The following KIF6 variants were observed in gnomAD, a reference collection of about 807,000 sequenced individuals.
KIF6 encodes kinesin family member 6.
Under a neutral mutation model 112.7 loss-of-function variants are expected in KIF6, and 106 were observed. The observed-to-expected ratio is 0.94, with a 90% CI of 0.80 to 1.11. The LOEUF is 1.11. KIF6 is among the 50% of genes least tolerant of loss of function. The pLI, the probability that KIF6 is intolerant of heterozygous loss-of-function variation, is 0.00. For synonymous variants in KIF6, 339 were observed against 339.9 expected, an observed-to-expected ratio of 1.00 and a Z score of 0.03; for missense variants, 929 against 964.0, an observed-to-expected ratio of 0.96 and a Z score of 0.48.
intron 16 of KIF6, among the ~76,000 whole-genome samples, chr6:39,381,849 A>G (rs1248160238): frequency 2.0e-5 from 3 of 152,236 alleles, no homozygotes; most frequent in Non-Finnish European, 4.4e-5. Context: ...TTTCTGTTTG[A>G]AGTTTGCTGA....
At chr6:39,409,449 C>T (rs1399647256) in intron 15 of KIF6, among the ~76,000 whole-genome samples, 1 of 152,232 alleles carries the variant, frequency 6.6e-6, no homozygotes, top group African/African-American at 2.4e-5. Flanking sequence ...GGGAGCATCT[C>T]TGCTTTTTCA....
intron 13 of KIF6, among the ~76,000 whole-genome samples, chr6:39,539,281 C>T (rs1407338754): frequency 6.6e-6 from 1 of 151,600 alleles, no homozygotes; most frequent in Non-Finnish European, 1.5e-5. Context: ...GTTGGCCCAA[C>T]CCTGCCAAAT....
chr6:39,648,824 G>A (rs959544892), intron 3 of KIF6, among the ~76,000 whole-genome samples: 1 of 152,100 alleles, frequency 6.6e-6, no homozygotes, highest in African/African-American at 2.4e-5. Context: ...TAGAAGTCCT[G>A]CGTAAAGGCA....
chr6:39,427,820 G>A (rs1205858355), intron 14 of KIF6, among the ~76,000 whole-genome samples: 3 of 152,146 alleles, frequency 2.0e-5, no homozygotes, highest in Non-Finnish European at 2.9e-5. Context: ...ACAGAGTTAA[G>A]TGAGCTCTAT....
chr6:39,695,553 C>G (rs951796967), intron 3 of KIF6, among the ~76,000 whole-genome samples: 1 of 152,098 alleles, frequency 6.6e-6, no homozygotes, highest in Non-Finnish European at 1.5e-5. Context: ...AAAAAATGCT[C>G]AACATTACTA....
chr6:39,653,840 C>T (rs549314054), intron 3 of KIF6, among the ~76,000 whole-genome samples: 4 of 152,234 alleles, frequency 2.6e-5, no homozygotes, highest in African/African-American at 9.6e-5. Flanking sequence ...TCATAGACTT[C>T]TCTGGGCATA....
intron 10 of KIF6, among the ~76,000 whole-genome samples, chr6:39,568,252 G>A (rs1010141240): frequency 2.4e-4 from 37 of 152,094 alleles, no homozygotes; most frequent in Non-Finnish European, 1.5e-5. Flanking sequence ...GACGGGGGAA[G>A]GTATATTCTA....
At chr6:39,649,214 T>C (rs921817135) in intron 3 of KIF6, among the ~76,000 whole-genome samples, 1 of 152,148 alleles carries the variant, frequency 6.6e-6, no homozygotes, top group Non-Finnish European at 1.5e-5. Flanking sequence ...GGCAACATCA[T>C]TCTAAGATCT....
chr6:39,493,298 G>A (rs1392173816), intron 13 of KIF6, among the ~76,000 whole-genome samples: 2 of 152,206 alleles, frequency 1.3e-5, no homozygotes, highest in Non-Finnish European at 2.9e-5. Context: ...GGACATTGAG[G>A]TTTTATTGGT....
chr6:39,491,244 C>A lies in KIF6; in HGVS notation c.1645+48759G>T, dbSNP rs116180800. On this transcript the variant is annotated intron_variant, in intron 13 of 22. Transcript: ENST00000287152. ...AGTGTCTAAATAAGCAATCTGGCTG[C>A]TTTGATGTTGGTAACTGCCATGTTG... Among the ~76,000 whole-genome samples, 664 of 152,104 alleles carry A rather than the reference C, an allele frequency of 4.4e-3. 4 individuals carry two copies. The highest frequency in any genetic ancestry group is 0.015 in the African/African-American group (624 of 41,494).
Position 39,378,149 on chromosome 6 carries a change from G to A in KIF6, c.1861+7473C>T, listed in dbSNP as rs910460758. On this transcript the variant is annotated intron_variant, in intron 16 of 22. Transcript: ENST00000287152. The surrounding 1 kb of genome is among the most constrained non-coding windows in gnomAD (Gnocchi z 5.0). ...ACAGAAGTTGGGTCAAGGGGTAAAC[G>A]CAGAGAAGCGTAAATGCAGAGAAAC... is the stretch of plus-strand genomic sequence containing the variant. Among the ~76,000 whole-genome samples, 10 of 151,850 alleles carry A rather than the reference G, an allele frequency of 6.6e-5. No homozygotes were observed. The highest frequency in any genetic ancestry group is 5.3e-4 in the Admixed American group (8 of 15,200).
chr6:39,701,091 T>G (rs943712915), intron 3 of KIF6, among the ~76,000 whole-genome samples: 3 of 152,238 alleles, frequency 2.0e-5, no homozygotes, highest in African/African-American at 7.2e-5. Context: ...TTCTGAAGAA[T>G]TCTAACAACT....
chr6:39,388,381 C>A (rs1259986214), intron 15 of KIF6, among the ~76,000 whole-genome samples: 1 of 151,834 alleles, frequency 6.6e-6, no homozygotes. Context: ...TTTGCCACCA[C>A]AAGCATAAAT....
At chr6:39,432,221 C>A (rs1158630891) in intron 13 of KIF6, among the ~76,000 whole-genome samples, 2 of 152,130 alleles carry the variant, frequency 1.3e-5, no homozygotes, top group African/African-American at 4.8e-5. Flanking sequence ...TTTTGTGAAT[C>A]CTTGTGTCTT....
intron 1 of KIF6, among the ~76,000 whole-genome samples, chr6:39,721,123 A>C (rs1203590223): frequency 6.6e-6 from 1 of 152,202 alleles, no homozygotes; most frequent in Non-Finnish European, 1.5e-5. Context: ...CCTGAAAGCA[A>C]CATTTTATCT....
At chr6:39,723,092 G>A (rs1342260538) in intron 1 of KIF6, among the ~76,000 whole-genome samples, 1 of 152,164 alleles carries the variant, frequency 6.6e-6, no homozygotes, top group Non-Finnish European at 1.5e-5. Context: ...AATCTGGGGG[G>A]AAATGTTACA....
chr6:39,678,377 T>C (rs1376803306), intron 3 of KIF6, among the ~76,000 whole-genome samples: 1 of 152,212 alleles, frequency 6.6e-6, no homozygotes, highest in Non-Finnish European at 1.5e-5. Flanking sequence ...GAGAGTTTGG[T>C]CAAATGACCT....
At chr6:39,401,460 A>G (rs1768694393) in intron 15 of KIF6, among the ~76,000 whole-genome samples, 1 of 152,164 alleles carries the variant, frequency 6.6e-6, no homozygotes, top group African/African-American at 2.4e-5. Context: ...TCTAGGGGGC[A>G]ATGGCAAGCC....
At chr6:39,429,714 G>C (rs7763524) in intron 14 of KIF6, among the ~76,000 whole-genome samples, 65,591 of 151,964 alleles carry the variant, frequency 0.43, 16,075 homozygotes, top group African/African-American at 0.68. Flanking sequence ...TGAGACCATC[G>C]TGGCTAACAC....
Sources: allele counts gnomAD v4.1 joint callset (sites outside exome capture counted in the v4.1 genomes callset), GRCh38; gene constraint gnomAD v4.1.1; non-coding constraint Gnocchi (gnomAD v3.1); transcripts MANE v1.5; gene names NCBI Gene and HGNC (gene_info 2026-07-23, HGNC 2026-07-21).